Variants in PCSK5 observed in about 807,000 individuals in gnomAD.
PCSK5 encodes the protein proprotein convertase subtilisin/kexin type 5.
A neutral mutation model predicts 233.2 loss-of-function variants in PCSK5; 129 were observed. The ratio of observed to expected loss-of-function variants is 0.55; its 90% CI spans 0.48 to 0.64. PCSK5 has a LOEUF of 0.64. Ranked by LOEUF, PCSK5 falls within the 30% of genes least tolerant of loss-of-function variation. PCSK5 has a pLI of 0.00. For synonymous variants in PCSK5, 825 were observed against 879.2 expected (o/e 0.94, Z 1.09); for missense variants, 2,076 against 2,430.1 (o/e 0.85, Z 3.06).
At position 76,026,921 on chromosome 9, in the gene PCSK5, G is replaced by A. The variant is rs1322127329; in HGVS notation, c.556-40G>A. 2.2e-6 allele frequency: 3 copies of A among 1,376,288 alleles called. No homozygotes were observed. The East Asian group carries it at 7.0e-5, about 32-fold the overall frequency. The allele number at this position is 1,376,288 out of a possible 1,614,324, so 85.3% of individuals were successfully genotyped here. ...GTGGGTCATTGGCTAATTAATGAAT[G>A]TCCATTTCCTTTCCCTTGCTCTCTC... On this transcript the variant is annotated intron_variant, in intron 4 of 37. Transcript: ENST00000674117.
At chr9:76,267,251 C>T (rs1827361392) in intron 24 of PCSK5, among the ~76,000 whole-genome samples, 1 of 152,120 alleles carries the variant, frequency 6.6e-6, no homozygotes, top group African/African-American at 2.4e-5. Flanking sequence ...AATAGAAGTG[C>T]TTTCATAAAA....
chr9:76,247,813 C>A (rs1020374872), intron 24 of PCSK5, among the ~76,000 whole-genome samples: 1 of 150,830 alleles, frequency 6.6e-6, no homozygotes, highest in African/African-American at 2.4e-5. Flanking sequence ...GAGACAGAGT[C>A]TCGCCCTGTT....
chr9:76,000,159 T>G (rs1474063486), intron 3 of PCSK5, among the ~76,000 whole-genome samples: 1 of 152,158 alleles, frequency 6.6e-6, no homozygotes, highest in Non-Finnish European at 1.5e-5. Context: ...TCCTCTCCAT[T>G]TTTTTCTCCT....
intron 25 of PCSK5, among the ~76,000 whole-genome samples, chr9:76,293,448 T>G (rs7469936): frequency 0.11 from 16,093 of 151,946 alleles, 911 homozygotes; most frequent in African/African-American, 0.11. Flanking sequence ...TTTTTTTGGG[T>G]TTTTTTTGTT....
At chr9:76,341,579 C>T (rs1309815475) in intron 35 of PCSK5, among the ~76,000 whole-genome samples, 4 of 152,192 alleles carry the variant, frequency 2.6e-5, no homozygotes, top group African/African-American at 9.7e-5. Context: ...CAGGCGTGAG[C>T]CACTGCACTG....
chr9:76,312,827 G>GTTGATA (rs1828901603), intron 30 of PCSK5, among the ~76,000 whole-genome samples: 1 of 151,718 alleles, frequency 6.6e-6, no homozygotes, highest in South Asian at 2.1e-4. Flanking sequence ...TGATATTGAT[G>GTTGATA]TTGATATTGA....
intron 5 of PCSK5, among the ~76,000 whole-genome samples, chr9:76,047,903 GT>G (rs1829480265): frequency 6.6e-6 from 1 of 152,082 alleles, no homozygotes; most frequent in Admixed American, 6.5e-5. Flanking sequence ...AAAGTTGTAG[GT>G]TTTCTGTAAT....
chr9:75,929,361 T>G (rs1382099171), intron 1 of PCSK5, among the ~76,000 whole-genome samples: 8 of 151,846 alleles, frequency 5.3e-5, no homozygotes, highest in Admixed American at 5.2e-4. Context: ...ATGGAACATA[T>G]GGGCTGATGG....
chr9:76,201,901 T>C (rs1022089793), intron 20 of PCSK5, among the ~76,000 whole-genome samples: 1 of 152,146 alleles, frequency 6.6e-6, no homozygotes, highest in Non-Finnish European at 1.5e-5. Flanking sequence ...AGAAGAAACA[T>C]TAGCATGCTG....
chr9:76,153,502 C>T (rs1587692992), intron 10 of PCSK5, among the ~76,000 whole-genome samples: 3 of 152,090 alleles, frequency 2.0e-5, no homozygotes, highest in Admixed American at 2.0e-4. Context: ...TCCACTTGAT[C>T]GTCATAAAAT....
At position 75,902,906 on chromosome 9, in the gene PCSK5, G is replaced by C. The variant is rs138702513; in HGVS notation, c.192+11533G>C. 2.6e-5 allele frequency among the ~76,000 whole-genome samples: 4 copies of C among 152,250 alleles called. No homozygotes were observed. The South Asian group carries it at 8.3e-4, about 32-fold the overall frequency. On this transcript the variant is annotated intron_variant, in intron 1 of 37. Transcript: ENST00000674117. Reference sequence around the variant, plus strand: ...ATATTTGGTTTAAAAACTGAAGATCGTGTTGAACACTGAATATAGAGGGGA... The same window carrying C: ...ATATTTGGTTTAAAAACTGAAGATCCTGTTGAACACTGAATATAGAGGGGA...
At chr9:76,172,511 T>C (rs528562214) in intron 13 of PCSK5, among the ~76,000 whole-genome samples, 1 of 152,302 alleles carries the variant, frequency 6.6e-6, no homozygotes, top group East Asian at 1.9e-4. Context: ...GGGCTTATGA[T>C]GTCCTTCAGA....
chr9:75,890,811 CG>C lies in PCSK5; in HGVS notation c.-366del, dbSNP rs1825559349. ...TCCCGCTGGTCATCTCCGCCGCGCTCGGGGGCCCCGGGAGGAGCGAGACCGA... is the reference window on the plus strand; with the variant it reads ...TCCCGCTGGTCATCTCCGCCGCGCTCGGGGCCCCGGGAGGAGCGAGACCGA... On this transcript the variant is annotated 5_prime_UTR_variant, in exon 1 of 38. Transcript: ENST00000674117. 5.0e-6 allele frequency: 1 copy of C among 198,382 alleles called. No individual in the cohort carries two copies. The highest frequency in any genetic ancestry group is 2.3e-5 in the African/African-American group (1 of 43,452). The allele number at this position is 198,382 out of a possible 1,614,324, so 12.3% of individuals were successfully genotyped here. A position where few individuals can be genotyped will look rare whatever the true frequency, so the allele number is the denominator to read the frequency against.
chr9:76,200,482 G>C (rs12236539), intron 20 of PCSK5, among the ~76,000 whole-genome samples: 1 of 152,096 alleles, frequency 6.6e-6, no homozygotes, highest in African/African-American at 2.4e-5. Flanking sequence ...TTCGTTACTT[G>C]TTGTCAGCCA....
intron 20 of PCSK5, chr9:76,194,667 T>C (rs1207064412): frequency 4.6e-6 from 2 of 435,770 alleles, no homozygotes; most frequent in African/African-American, 2.1e-5. Context: ...TCATCGAAAC[T>C]AGAAGACTGA....
intron 1 of PCSK5, among the ~76,000 whole-genome samples, chr9:75,912,277 C>T (rs902352099): frequency 8.5e-5 from 13 of 152,094 alleles, no homozygotes; most frequent in Admixed American, 7.2e-4. Context: ...GTTGAGGGAA[C>T]AGCCAGTGCA....
chr9:75,945,238 C>A (rs2131310176), intron 2 of PCSK5, among the ~76,000 whole-genome samples: 1 of 151,886 alleles, frequency 6.6e-6, no homozygotes, highest in African/African-American at 2.4e-5. Flanking sequence ...GGAACTTTTA[C>A]ATTTCTACCT....
intron 20 of PCSK5, chr9:76,193,346 A>C (rs1824505831): frequency 6.2e-7 from 1 of 1,610,256 alleles, no homozygotes; most frequent in East Asian, 2.2e-5. Context: ...GTACATTTCA[A>C]GGCTGAGCAG....
chr9:76,150,048 A>T (rs542800682), intron 10 of PCSK5, among the ~76,000 whole-genome samples: 3 of 152,348 alleles, frequency 2.0e-5, no homozygotes, highest in South Asian at 4.1e-4. Flanking sequence ...ATATATAAAC[A>T]TTATATTCCT....
Sources: gnomAD v4.1 joint callset for allele counts (sites outside exome capture counted in the v4.1 genomes callset) on GRCh38, gnomAD v4.1.1 for gene constraint, MANE v1.5 for transcripts, NCBI Gene and HGNC (gene_info 2026-07-23, HGNC 2026-07-21) for gene names.